Variants in NEDD9 observed in about 807,000 individuals in gnomAD.
NEDD9 encodes neural precursor cell expressed, developmentally down-regulated 9.
A neutral mutation model predicts 76.6 loss-of-function variants in NEDD9; 26 were observed. The ratio of observed to expected loss-of-function variants is 0.34; its 90% CI spans 0.25 to 0.47. NEDD9 has a LOEUF of 0.47. Among genes scored for constraint, NEDD9 ranks in the 20% least tolerant of loss-of-function variants. The pLI, the probability that NEDD9 is intolerant of heterozygous loss-of-function variation, is 1.00. For missense variants in NEDD9, 937 were observed against 1,058.5 expected (o/e 0.89, Z 1.59); for synonymous variants, 392 against 414.2 (o/e 0.95, Z 0.65).
intron 2 of NEDD9, among the ~76,000 whole-genome samples, chr6:11,309,217 G>A (rs1434737538): frequency 6.6e-6 from 1 of 152,216 alleles, no homozygotes; most frequent in East Asian, 1.9e-4. Context: ...CAATGCATCT[G>A]TGTTATTGCC....
At chr6:11,378,399 C>T (rs949174935) in intron 1 of NEDD9, among the ~76,000 whole-genome samples, 2 of 152,170 alleles carry the variant, frequency 1.3e-5, no homozygotes, top group African/African-American at 2.4e-5. Context: ...GCTTCCTATA[C>T]AGCCTGCAGA....
chr6:11,279,357 T>C (rs1760482638), intron 3 of NEDD9, among the ~76,000 whole-genome samples: 1 of 152,234 alleles, frequency 6.6e-6, no homozygotes, highest in Non-Finnish European at 1.5e-5. Flanking sequence ...TTCTTGGCCC[T>C]AATGCGGGTG....
At chr6:11,219,217 C>T (rs1484097867) in intron 1 of NEDD9, among the ~76,000 whole-genome samples, 1 of 152,230 alleles carries the variant, frequency 6.6e-6, no homozygotes, top group Non-Finnish European at 1.5e-5. Context: ...CCTTCCCTCA[C>T]TGCTATCAAA....
At chr6:11,353,299 C>T (rs149569058) in intron 1 of NEDD9, among the ~76,000 whole-genome samples, 484 of 152,308 alleles carry the variant, frequency 3.2e-3, no homozygotes, top group Non-Finnish European at 5.0e-3. Flanking sequence ...CAGATTTCAT[C>T]AAGTTAAGAT....
chr6:11,319,348 TGC>T, intron 2 of NEDD9, among the ~76,000 whole-genome samples: 1 of 151,228 alleles, frequency 6.6e-6, no homozygotes, highest in Non-Finnish European at 1.5e-5. Flanking sequence ...CACACTCACA[TGC>T]ACACTCACAT....
rs1317104452 is a variant in NEDD9 at position 11,292,668 on chromosome 6, G to C, written c.12+13324C>G. Among the ~76,000 whole-genome samples the C allele has an allele frequency of 2.6e-5, 4 of 152,142 alleles. No homozygotes were observed. The East Asian group carries it at 7.7e-4, about 29-fold the overall frequency. ...AAATGACATCTCAAAAAGGAGAATT[G>C]GTTTGAGTCTATAACTGATGTGATT... On this transcript the variant is annotated intron_variant, in intron 3 of 3. Transcript: ENST00000397378.
intron 1 of NEDD9, among the ~76,000 whole-genome samples, chr6:11,347,994 G>T (rs765000554): frequency 3.3e-5 from 5 of 152,178 alleles, no homozygotes; most frequent in Non-Finnish European, 7.3e-5. Flanking sequence ...AAGAGAGGAA[G>T]TCTATCTCTG....
At chr6:11,287,152 C>T (rs886504947) in intron 3 of NEDD9, among the ~76,000 whole-genome samples, 2 of 152,168 alleles carry the variant, frequency 1.3e-5, no homozygotes, top group Admixed American at 1.3e-4. Flanking sequence ...GTAGGCTGGG[C>T]GCGGTGGCTC....
intron 3 of NEDD9, among the ~76,000 whole-genome samples, chr6:11,299,043 C>T (rs577443249): frequency 2.8e-4 from 42 of 152,298 alleles, no homozygotes; most frequent in African/African-American, 9.9e-4. Context: ...GGCATTGCCT[C>T]ATCAGGGAAA....
chr6:11,260,379 C>A (rs1760084304), intron 3 of NEDD9, among the ~76,000 whole-genome samples: 1 of 152,148 alleles, frequency 6.6e-6, no homozygotes, highest in African/African-American at 2.4e-5. Flanking sequence ...GGTTTCAAAT[C>A]CAGAGTCTGT....
intron 3 of NEDD9, among the ~76,000 whole-genome samples, chr6:11,256,001 GC>G (rs1462090583): frequency 6.6e-6 from 1 of 152,086 alleles, no homozygotes; most frequent in African/African-American, 2.4e-5. Context: ...ACACCACTAG[GC>G]CCCCATCAGC....
intron 2 of NEDD9, among the ~76,000 whole-genome samples, chr6:11,329,091 T>C (rs555843608): frequency 6.6e-6 from 1 of 152,202 alleles, no homozygotes; most frequent in Non-Finnish European, 1.5e-5. Flanking sequence ...GCACAGCACA[T>C]AAAGTCTTGC....
At chr6:11,231,569 A>G (rs1476500884) in intron 1 of NEDD9, among the ~76,000 whole-genome samples, 1 of 152,222 alleles carries the variant, frequency 6.6e-6, no homozygotes, top group East Asian at 1.9e-4. Context: ...TTTTGTTTAA[A>G]ATAGCATAAA....
rs148279684 is a variant in NEDD9 at position 11,296,966 on chromosome 6, C to T, written c.12+9026G>A. ...CTAGTCTTGAACTCCTGACCTCAGG[C>T]GGTCCACCCACCTCGGCCTCCCAAA... On this transcript the variant is annotated intron_variant, in intron 3 of 3. Coordinates refer to the NEDD9 transcript ENST00000397378. 7.4e-3 allele frequency among the ~76,000 whole-genome samples: 1,119 copies of T among 152,202 alleles called. 18 individuals carry two copies. Among genetic ancestry groups the T allele is most frequent in the African/African-American group, 0.025 (1,056 of 41,558 alleles).
intron 1 of NEDD9, among the ~76,000 whole-genome samples, chr6:11,367,094 A>G (rs1762782882): frequency 1.3e-5 from 1 of 74,246 alleles, no homozygotes; most frequent in Admixed American, 1.2e-4. Context: ...ATAAAGCTCA[A>G]TTAAAATGGA....
At chr6:11,366,755 C>A (rs768431340) in intron 1 of NEDD9, among the ~76,000 whole-genome samples, 1 of 152,184 alleles carries the variant, frequency 6.6e-6, no homozygotes, top group Non-Finnish European at 1.5e-5. Flanking sequence ...GGGACCCAGG[C>A]TTCAGTCCTA....
chr6:11,201,054 C>T, intron 2 of NEDD9: 8 of 1,614,200 alleles, frequency 5.0e-6, no homozygotes, highest in South Asian at 2.2e-5. Flanking sequence ...CACCTAGAGA[C>T]AAAGCATTTT....
At chr6:11,369,496 T>C (rs996697211) in intron 1 of NEDD9, among the ~76,000 whole-genome samples, 1 of 152,220 alleles carries the variant, frequency 6.6e-6, no homozygotes, top group African/African-American at 2.4e-5. Flanking sequence ...CAACCTGGCA[T>C]GCATGAGTGA....
intron 2 of NEDD9, among the ~76,000 whole-genome samples, chr6:11,320,353 C>T (rs1382992147): frequency 3.3e-5 from 5 of 152,072 alleles, no homozygotes; most frequent in Non-Finnish European, 7.4e-5. Flanking sequence ...ATTAAATAAC[C>T]TTCTATACTC....
Sources: gnomAD v4.1 joint callset for allele counts (sites outside exome capture counted in the v4.1 genomes callset) on GRCh38, gnomAD v4.1.1 for gene constraint, MANE v1.5 for transcripts, NCBI Gene and HGNC (gene_info 2026-07-23, HGNC 2026-07-21) for gene names.